HIVEP2: variants seen among roughly 807,000 people sequenced by gnomAD.
HIVEP2 encodes HIVEP zinc finger 2.
A neutral mutation model predicts 180.7 loss-of-function variants in HIVEP2; 14 were observed. That is an observed-to-expected ratio of 0.08 (90% CI 0.05 to 0.12). HIVEP2 has a LOEUF of 0.12. Among genes scored for constraint, HIVEP2 ranks in the 10% least tolerant of loss-of-function variants. HIVEP2 has a pLI of 1.00. For synonymous variants in HIVEP2, 1,184 were observed against 1,136.4 expected, an observed-to-expected ratio of 1.04 and a Z score of -0.84; for missense variants, 2,579 against 3,008.5, an observed-to-expected ratio of 0.86 and a Z score of 3.34.
At chr6:142,799,895 T>G (rs1582870843) in intron 2 of HIVEP2, among the ~76,000 whole-genome samples, 2 of 152,304 alleles carry the variant, frequency 1.3e-5, no homozygotes, top group African/African-American at 4.8e-5. Context: ...GAAATTTTCC[T>G]TGCTCATTTG....
At chr6:142,801,128 A>C (rs1162526076) in intron 2 of HIVEP2, among the ~76,000 whole-genome samples, 2 of 147,800 alleles carry the variant, frequency 1.4e-5, no homozygotes, top group African/African-American at 2.5e-5. Flanking sequence ...TGTTCTCTGC[A>C]GGTCAGAAGA....
chr6:142,919,219 C>A (rs915702529), intron 1 of HIVEP2, among the ~76,000 whole-genome samples: 5 of 152,108 alleles, frequency 3.3e-5, no homozygotes, highest in Admixed American at 6.5e-5. Flanking sequence ...CCTCAACTTT[C>A]TTTTTTAATG....
At position 142,772,331 on chromosome 6, in the gene HIVEP2, T is replaced by C. The variant is rs1775568760; in HGVS notation, c.2408A>G (p.Gln803Arg). The change falls in exon 5 of 10, where the codon CAG becomes CGG. Residue 803 changes from glutamine (Q) to arginine (R), a missense_variant. Around this residue, in one of 11 missense-constraint regions of HIVEP2, gnomAD observed 524 missense variants for 563.6 expected, o/e 0.93. Transcript: ENST00000367603. The surrounding 1 kb of genome is among the most constrained non-coding windows in gnomAD (Gnocchi z 4.9). Reference protein sequence around the residue: ...KPPGNVISVIQHTNSLSRPNS... With the variant: ...KPPGNVISVIRHTNSLSRPNS... Reference sequence around the variant, plus strand: ...GGGTCGGCTCAGTGAGTTGGTGTGCTGAATCACAGAAATCACATTTCCAGG... The same window carrying C: ...GGGTCGGCTCAGTGAGTTGGTGTGCCGAATCACAGAAATCACATTTCCAGG... The C allele has an allele frequency of 1.9e-6, 3 of 1,614,104 alleles. No homozygotes were observed. Among genetic ancestry groups the C allele is most frequent in the Non-Finnish European group, 2.5e-6 (3 of 1,180,046 alleles).
At chr6:142,816,574 T>C (rs1352486834) in intron 2 of HIVEP2, among the ~76,000 whole-genome samples, 1 of 152,146 alleles carries the variant, frequency 6.6e-6, no homozygotes. Flanking sequence ...CCAGATACCA[T>C]CCCCTGCGTC....
chr6:142,849,171 C>A (rs1422090378), intron 1 of HIVEP2, among the ~76,000 whole-genome samples: 1 of 152,058 alleles, frequency 6.6e-6, no homozygotes, highest in Admixed American at 6.5e-5. Context: ...TTAGAGAATA[C>A]CGGGCTTGGA....
At position 142,753,415 on chromosome 6, in the gene HIVEP2, G is replaced by A. The variant is rs750971619; in HGVS notation, c.7033C>T (p.Leu2345=). 7.4e-6 allele frequency: 12 copies of A among 1,614,014 alleles called. No homozygotes were observed. The Middle Eastern group carries it at 1.5e-3, about 200-fold the overall frequency. The stretch of plus-strand genomic sequence containing the variant: ...CGCGCTGGCTGATCTGGCCCGAGCA[G>A]AGCTGCCTCTTCCGTGGCAATCCGG... The part of the protein sequence containing the change: ...SLRIATEEAA[L]LGPDQPARVQ... The change falls in exon 10 of 10, where the codon CTG becomes TTG. Residue 2345 remains leucine (L), a synonymous_variant. Transcript: ENST00000367603.
intron 9 of HIVEP2, among the ~76,000 whole-genome samples, chr6:142,758,069 T>C (rs1444552117): frequency 2.0e-5 from 3 of 152,184 alleles, no homozygotes; most frequent in African/African-American, 7.2e-5. Context: ...AGAGAAAGCA[T>C]GTGTCATCCC....
intron 2 of HIVEP2, among the ~76,000 whole-genome samples, chr6:142,823,882 G>A (rs1190256167): frequency 6.6e-6 from 1 of 152,110 alleles, no homozygotes; most frequent in Non-Finnish European, 1.5e-5. Flanking sequence ...AGCTTCAGCA[G>A]CATTTAAATA....
chr6:142,772,085 T>C lies in HIVEP2; in HGVS notation c.2654A>G (p.Asn885Ser). 1 of 1,614,204 alleles carries C rather than the reference T, an allele frequency of 6.2e-7. No individual in the cohort carries two copies. The highest frequency in any genetic ancestry group is 8.5e-7 in the Non-Finnish European group (1 of 1,180,048). Residue 885 changes from asparagine (N) to serine (S), a missense_variant, in exon 5 of 10, where the codon AAC becomes AGC. Coordinates refer to ENST00000367603, the MANE Select transcript of HIVEP2 (RefSeq NM_006734.4). The surrounding 1 kb of genome is among the most constrained non-coding windows in gnomAD (Gnocchi z 4.9). ...HTQPRLVRQH[N>S]IQVPEIRVTE... is the part of the protein sequence containing the mutation. ...CACTCGAATCTCAGGAACCTGGATG[T>C]TGTGTTGCCGAACTAGCCTGGGCTG...
intron 1 of HIVEP2, among the ~76,000 whole-genome samples, chr6:142,892,716 C>A (rs542131310): frequency 6.6e-6 from 1 of 152,294 alleles, no homozygotes; most frequent in South Asian, 2.1e-4. Context: ...CAAGGCAATA[C>A]TGAATAACAC....
Position 142,801,191 on chromosome 6 carries a change from CAAA to C in HIVEP2, c.-527-17579_-527-17577del, listed in dbSNP as rs10717703. Among the ~76,000 whole-genome samples the C allele has an allele frequency of 3.2e-4, 28 of 86,974 alleles. No individual in the cohort carries two copies. The East Asian group carries it at 5.8e-3, about 18-fold the overall frequency. 57.1% of individuals were successfully genotyped at this position (86,974 alleles called of 152,430 possible). A position where few individuals can be genotyped will look rare whatever the true frequency, so the allele number is the denominator to read the frequency against. On this transcript the variant is annotated intron_variant, in intron 2 of 9. Transcript: ENST00000367603. Reference sequence around the variant, plus strand: ...TATGAGGTCAAGCAGTGGCCAGTGTCAAAAAAAAAAAAAAAAAAAACGAGGGAA... The same window carrying C: ...TATGAGGTCAAGCAGTGGCCAGTGTCAAAAAAAAAAAAAAAAACGAGGGAA...
chr6:142,851,867 C>T (rs757468907), intron 1 of HIVEP2, among the ~76,000 whole-genome samples: 2 of 152,168 alleles, frequency 1.3e-5, no homozygotes, highest in Non-Finnish European at 2.9e-5. Flanking sequence ...CAGAACCTCA[C>T]GGTGGAAGAG....
intron 1 of HIVEP2, among the ~76,000 whole-genome samples, chr6:142,859,229 G>A (rs1775905559): frequency 6.6e-6 from 1 of 151,998 alleles, no homozygotes; most frequent in Admixed American, 6.6e-5. Context: ...ATAGCAATAA[G>A]ACTTACTCTG....
At position 142,770,138 on chromosome 6, in the gene HIVEP2, C is replaced by T. The variant is rs371439317; in HGVS notation, c.4601G>A (p.Arg1534Lys). 3.1e-6 allele frequency: 5 copies of T among 1,614,108 alleles called. No individual in the cohort carries two copies. In the African/African-American group the frequency reaches 6.7e-5, roughly 22 times the overall value. The change falls in exon 5 of 10, where the codon AGG becomes AAG. Residue 1534 changes from arginine to lysine, a missense_variant. Coordinates refer to ENST00000367603, the MANE Select transcript of HIVEP2 (RefSeq NM_006734.4). The surrounding 1 kb of genome is among the most constrained non-coding windows in gnomAD (Gnocchi z 4.7). ...CTCCTTGCTGGGCAGGAATGGCTCC[C>T]TGGAAGACGGGCTAACAGAAGGATA... is the stretch of plus-strand genomic sequence containing the variant. ...QDYPSVSPSS[R>K]EPFLPSKEML...
rs113464025 is a variant in HIVEP2, at chr6:142,844,096, A to G, written c.-640-7049T>C. Among the ~76,000 whole-genome samples, 1,366 of 152,196 alleles carry G rather than the reference A, an allele frequency of 9.0e-3. 24 individuals carry two copies. The highest frequency in any genetic ancestry group is 0.031 in the African/African-American group (1,288 of 41,512). ...CTTCCATTCTTCTCTTTCCTCCCACACTGGCTGACAATGGGAAGAAAACAT... is the reference window on the plus strand; with the variant it reads ...CTTCCATTCTTCTCTTTCCTCCCACGCTGGCTGACAATGGGAAGAAAACAT... On this transcript the variant is annotated intron_variant, in intron 1 of 9. Transcript: ENST00000367603.
At chr6:142,933,127 A>G (rs1051627692) in intron 1 of HIVEP2, among the ~76,000 whole-genome samples, 1 of 152,236 alleles carries the variant, frequency 6.6e-6, no homozygotes, top group Non-Finnish European at 1.5e-5. Context: ...GAAAGAAAGC[A>G]ATGGGAACAG....
intron 2 of HIVEP2, among the ~76,000 whole-genome samples, chr6:142,800,111 A>G (rs1272844316): frequency 2.0e-5 from 3 of 152,184 alleles, no homozygotes; most frequent in Non-Finnish European, 4.4e-5. Context: ...GGTGGCAGCA[A>G]AAAACACTGA....
At chr6:142,839,935 T>C (rs182074935) in intron 1 of HIVEP2, among the ~76,000 whole-genome samples, 1 of 152,276 alleles carries the variant, frequency 6.6e-6, no homozygotes, top group African/African-American at 2.4e-5. Context: ...CTTTGCATCG[T>C]AGAGCCACTG....
Position 142,760,628 on chromosome 6 carries a change from C to T in HIVEP2, c.5660G>A (p.Ser1887Asn), listed in dbSNP as rs763290454. 2.5e-6 allele frequency: 4 copies of T among 1,612,652 alleles called. No individual in the cohort carries two copies. In the South Asian group the frequency reaches 4.4e-5, roughly 18 times the overall value. Residue 1887 changes from serine (S) to asparagine (N), a missense_variant, in exon 9 of 10, where the codon AGC becomes AAC. By Grantham distance (46) the Ser-to-Asn change is conservative. Transcript: ENST00000367603. ...ATGATCAGTTGAAATGCTGGACATGCTATGCTTCTCTGCTGCTTTGTGCAA... is the reference window on the plus strand; with the variant it reads ...ATGATCAGTTGAAATGCTGGACATGTTATGCTTCTCTGCTGCTTTGTGCAA... ...EDLHKAAEKHSMSSISTDHQF... is the reference protein window; with the variant it reads ...EDLHKAAEKHNMSSISTDHQF...
Sources: gnomAD v4.1 joint callset for allele counts (sites outside exome capture counted in the v4.1 genomes callset) on GRCh38, gnomAD v4.1.1 for gene constraint, gnomAD v4.1.1 regional missense constraint, Gnocchi (gnomAD v3.1) non-coding constraint, MANE v1.5 for transcripts, NCBI Gene and HGNC (gene_info 2026-07-23, HGNC 2026-07-21) for gene names.